Variants in SYNE2 observed in about 807,000 individuals in gnomAD.
The protein encoded by SYNE2 is nesprin-2.
Under a neutral mutation model 856.3 loss-of-function variants are expected in SYNE2, and 431 were observed. The ratio of observed to expected loss-of-function variants is 0.50; its 90% CI spans 0.47 to 0.55. The LOEUF is 0.55. Among genes scored for constraint, SYNE2 ranks in the 20% least tolerant of loss-of-function variants. The pLI, the probability that SYNE2 is intolerant of heterozygous loss-of-function variation, is 0.00. For missense variants in SYNE2, 8,129 were observed against 8,023.2 expected (o/e 1.01, Z -0.50); for synonymous variants, 2,923 against 2,872.3 (o/e 1.02, Z -0.56).
At chr14:64,094,195 G>A (rs1246071528) in intron 61 of SYNE2, among the ~76,000 whole-genome samples, 8 of 151,972 alleles carry the variant, frequency 5.3e-5, no homozygotes, top group Non-Finnish European at 7.4e-5. Context: ...TTAGCTGGGT[G>A]TGTTGGTGGG....
intron 2 of SYNE2, among the ~76,000 whole-genome samples, chr14:63,910,922 T>C (rs889637300): frequency 1.3e-5 from 2 of 152,226 alleles, no homozygotes; most frequent in Non-Finnish European, 2.9e-5. Context: ...TCATGATCTA[T>C]AGGAAAAAAT....
intron 35 of SYNE2, among the ~76,000 whole-genome samples, chr14:64,020,571 C>T (rs778779531): frequency 3.2e-4 from 49 of 152,158 alleles, no homozygotes; most frequent in Non-Finnish European, 6.3e-4. Flanking sequence ...CTTTATTTTC[C>T]CCTCACCTAT....
intron 23 of SYNE2, among the ~76,000 whole-genome samples, chr14:63,996,058 T>C (rs566068831): frequency 2.6e-5 from 4 of 152,194 alleles, no homozygotes; most frequent in Non-Finnish European, 5.9e-5. Flanking sequence ...CTAGTAGATA[T>C]CACCAGTGTT....
intron 76 of SYNE2, among the ~76,000 whole-genome samples, 159 bp from the exon 77 acceptor site, chr14:64,132,106 G>A (rs1414317870): frequency 6.6e-6 from 1 of 152,060 alleles, no homozygotes; most frequent in African/African-American, 2.4e-5. Flanking sequence ...GCTAATTTTT[G>A]TATTGCCATC....
At chr14:64,096,638 G>A (rs985337794) in intron 61 of SYNE2, among the ~76,000 whole-genome samples, 2 of 152,174 alleles carry the variant, frequency 1.3e-5, no homozygotes, top group African/African-American at 4.8e-5. Context: ...AGCAATCACA[G>A]AAATTTTGAC....
chr14:64,005,677 C>CTT (rs2096790715), intron 30 of SYNE2, among the ~76,000 whole-genome samples: 1 of 152,196 alleles, frequency 6.6e-6, no homozygotes, highest in Non-Finnish European at 1.5e-5. Context: ...ACTTATTAGA[C>CTT]ATTCAAGCAG....
intron 1 of SYNE2, among the ~76,000 whole-genome samples, chr14:63,797,708 A>G (rs1014845859): frequency 5.3e-5 from 8 of 152,180 alleles, no homozygotes; most frequent in African/African-American, 1.9e-4. Context: ...TCCCAAAGCG[A>G]TGGGATTACA....
chr14:63,990,286 A>G (rs973854079), intron 19 of SYNE2, 125 bp from the exon 20 acceptor site: 7 of 824,216 alleles, frequency 8.5e-6, no homozygotes, highest in African/African-American at 3.5e-5. Flanking sequence ...ATCATTTTTC[A>G]GAATGCAAAT....
chr14:64,018,237 T>G (rs1048605277), intron 34 of SYNE2, among the ~76,000 whole-genome samples: 6 of 152,060 alleles, frequency 3.9e-5, no homozygotes, highest in African/African-American at 9.7e-5. Context: ...GTTACCAGAC[T>G]TTTTCTTTTC....
At chr14:63,946,504 CATATATATGT>C (rs1566876019) in intron 6 of SYNE2, among the ~76,000 whole-genome samples, 6 of 76,648 alleles carry the variant, frequency 7.8e-5, no homozygotes, top group Non-Finnish European at 1.8e-4. Flanking sequence ...TACTGGAGAT[CATATATATGT>C]ATATATATGA....
intron 19 of SYNE2, among the ~76,000 whole-genome samples, chr14:63,986,825 C>T (rs560551764): frequency 5.3e-5 from 8 of 152,180 alleles, no homozygotes; most frequent in African/African-American, 1.7e-4. Flanking sequence ...ACTGATAATA[C>T]CTATGAATGT....
In SYNE2 at chr14:64,098,805, G is replaced by C. The variant is rs2097697823; in HGVS notation, c.12365G>C (p.Ser4122Thr). The C allele has an allele frequency of 1.9e-6, 3 of 1,614,016 alleles. No homozygotes were observed. Among genetic ancestry groups the C allele is most frequent in the Non-Finnish European group, 2.5e-6 (3 of 1,180,032 alleles). ...LAAVEEEVEESSVKSDNGDEK... is the reference protein window; with the variant it reads ...LAAVEEEVEETSVKSDNGDEK... The stretch of plus-strand genomic sequence containing the variant: ...GCAGTCGAGGAAGAGGTGGAAGAAA[G>C]TTCCGTGAAGAGCGATGTAAGGGAA... Residue 4122 changes from serine to threonine, a missense_variant, in exon 63 of 116, where the codon AGT (serine) becomes ACT (threonine). Physicochemically the swap from Ser to Thr is moderately conservative, Grantham distance 58. This residue lies in a region of SYNE2 where 5,410 missense variants were observed against 5,284.8 expected (regional missense o/e 1.02). Transcript: ENST00000555002.
At chr14:64,031,424 A>T (rs2097033416) in intron 45 of SYNE2, 67 bp downstream of exon 45, 6 of 1,407,182 alleles carry the variant, frequency 4.3e-6, no homozygotes, top group Non-Finnish European at 6.0e-6. Context: ...GGCTCTGAAA[A>T]GAGGGTCGTG....
intron 1 of SYNE2, among the ~76,000 whole-genome samples, chr14:63,877,032 G>A: frequency 6.6e-6 from 1 of 152,184 alleles, no homozygotes; most frequent in East Asian, 1.9e-4. Flanking sequence ...AGGATGAAAG[G>A]ATGAGGGATA....
At chr14:63,991,170 G>C (rs1245032692) in intron 21 of SYNE2, 55 bp downstream of exon 21, 7 of 1,548,688 alleles carry the variant, frequency 4.5e-6, no homozygotes, top group Non-Finnish European at 6.2e-6. Flanking sequence ...TGCCTATCTT[G>C]TTTGAAATCA....
chr14:63,907,462 T>C (rs1333210226), intron 1 of SYNE2, among the ~76,000 whole-genome samples: 2 of 152,218 alleles, frequency 1.3e-5, no homozygotes, highest in Non-Finnish European at 2.9e-5. Context: ...TCTTTTCAAA[T>C]GTGGAGATAA....
chr14:63,795,409 G>A (rs530602912), intron 1 of SYNE2, among the ~76,000 whole-genome samples: 9 of 152,184 alleles, frequency 5.9e-5, no homozygotes, highest in East Asian at 1.9e-4. Context: ...TTTGGGACTC[G>A]GACTGGCTCT....
intron 1 of SYNE2, among the ~76,000 whole-genome samples, chr14:63,784,839 G>T (rs2139748912): frequency 6.6e-6 from 1 of 151,976 alleles, no homozygotes; most frequent in Non-Finnish European, 1.5e-5. Flanking sequence ...AATAAGTATA[G>T]TTTTAAAAGT....
chr14:64,184,194 G>A (rs2098476704), intron 96 of SYNE2, among the ~76,000 whole-genome samples: 1 of 152,142 alleles, frequency 6.6e-6, no homozygotes, highest in Admixed American at 6.5e-5. Flanking sequence ...CGTACATTTT[G>A]GTATCTGAAA....
Sources: allele counts gnomAD v4.1 joint callset (sites outside exome capture counted in the v4.1 genomes callset), GRCh38; gene constraint gnomAD v4.1.1; regional missense constraint gnomAD v4.1.1; transcripts MANE v1.5; gene names NCBI Gene and HGNC (gene_info 2026-07-23, HGNC 2026-07-21).